The following ZNF438 variants were observed in gnomAD, a reference collection of about 807,000 sequenced individuals.
ZNF438 encodes the protein zinc finger protein 438.
In ZNF438, 25 loss-of-function variants were observed where a neutral mutation model predicts 38.0. That is an observed-to-expected ratio of 0.66 (90% CI 0.48 to 0.92). The LOEUF is 0.92. ZNF438 is among the 40% of genes least tolerant of loss of function. The pLI is 0.00. For missense variants in ZNF438, 1,007 were observed against 999.6 expected (o/e 1.01, Z -0.10); for synonymous variants, 372 against 364.1 (o/e 1.02, Z -0.25).
At chr10:30,874,804 A>G (rs1240322032) in intron 4 of ZNF438, among the ~76,000 whole-genome samples, 1 of 150,678 alleles carries the variant, frequency 6.6e-6, no homozygotes, top group African/African-American at 2.4e-5. Flanking sequence ...ATCTTTATAA[A>G]TTAAATATTC....
exon 4 of ZNF438, chr10:30,877,042 T>C (rs368992733): frequency 1.1e-5 from 17 of 1,603,494 alleles, no homozygotes; most frequent in Non-Finnish European, 1.4e-5. Flanking sequence ...CATTATGATG[T>C]ACTGGACTTG....
chr10:30,904,177 C>T (rs1448275908), intron 3 of ZNF438, among the ~76,000 whole-genome samples: 1 of 152,132 alleles, frequency 6.6e-6, no homozygotes, highest in Non-Finnish European at 1.5e-5. Flanking sequence ...TATGTGACTG[C>T]CTTGGTAAGA....
chr10:30,964,643 A>T (rs917406611), intron 1 of ZNF438, among the ~76,000 whole-genome samples: 12 of 152,228 alleles, frequency 7.9e-5, no homozygotes, highest in Admixed American at 2.0e-4. Flanking sequence ...AACTAAATGA[A>T]ATCTTTTTTT....
intron 1 of ZNF438, among the ~76,000 whole-genome samples, chr10:31,018,386 A>G (rs1160313010): frequency 6.6e-6 from 1 of 152,188 alleles, no homozygotes. Context: ...ATCAACTCAT[A>G]TTAACAGTCT....
intron 3 of ZNF438, among the ~76,000 whole-genome samples, chr10:30,888,362 A>ACACACACACACACACACACACAC (rs1564574714): frequency 0.01 from 378 of 36,522 alleles, 3 homozygotes; most frequent in African/African-American, 0.026. Flanking sequence ...CACACACACA[A>ACACACACACACACACACACACAC]ACACACACAT....
At chr10:30,855,233 G>A (rs961024359) in intron 4 of ZNF438, among the ~76,000 whole-genome samples, 2 of 152,292 alleles carry the variant, frequency 1.3e-5, no homozygotes, top group African/African-American at 4.8e-5. Context: ...TCCTGGCTGC[G>A]AGAGCACCGA....
intron 2 of ZNF438, among the ~76,000 whole-genome samples, chr10:30,922,572 G>A (rs1167622920): frequency 2.0e-5 from 3 of 152,176 alleles, no homozygotes; most frequent in East Asian, 3.8e-4. Flanking sequence ...GGTGGCTCAC[G>A]CCTGTAATCC....
chr10:30,858,573 G>C (rs1176058525), intron 4 of ZNF438, among the ~76,000 whole-genome samples: 1 of 152,208 alleles, frequency 6.6e-6, no homozygotes, highest in Non-Finnish European at 1.5e-5. Context: ...CCGGCAATAG[G>C]CACAAGTGTT....
intron 3 of ZNF438, among the ~76,000 whole-genome samples, chr10:30,884,852 T>C (rs1183084432): frequency 6.6e-6 from 1 of 152,230 alleles, no homozygotes; most frequent in African/African-American, 2.4e-5. Context: ...TTTGTCTTTG[T>C]TATGCTGCTT....
At chr10:31,010,645 G>A (rs1288329524) in intron 1 of ZNF438, among the ~76,000 whole-genome samples, 3 of 152,052 alleles carry the variant, frequency 2.0e-5, no homozygotes, top group African/African-American at 4.8e-5. Context: ...CTAACACTTT[G>A]GGAGACTGAG....
At chr10:30,897,380 T>A (rs2041476669) in intron 3 of ZNF438, among the ~76,000 whole-genome samples, 1 of 152,238 alleles carries the variant, frequency 6.6e-6, no homozygotes, top group Admixed American at 6.5e-5. Flanking sequence ...GGTGAGTTTA[T>A]TAGAAAGGCA....
In ZNF438 at chr10:30,901,658, G is replaced by A. The variant is rs149427339; in HGVS notation, c.-32+7275C>T. ...GTCTCGTCGCTTGGCAATAGGCGATGGTCTCACCGCTCGGCGATAGTCTCA... is the reference window on the plus strand; with the variant it reads ...GTCTCGTCGCTTGGCAATAGGCGATAGTCTCACCGCTCGGCGATAGTCTCA... On this transcript the variant is annotated intron_variant, in intron 3 of 5. Transcript: ENST00000413025. Among the ~76,000 whole-genome samples the A allele has an allele frequency of 5.7e-3, 859 of 151,968 alleles. 3 individuals are homozygous for A. The highest frequency in any genetic ancestry group is 9.5e-3 in the Non-Finnish European group (643 of 67,994).
At chr10:30,852,849 C>A (rs1476309467) in intron 4 of ZNF438, among the ~76,000 whole-genome samples, 1 of 152,140 alleles carries the variant, frequency 6.6e-6, no homozygotes, top group Non-Finnish European at 1.5e-5. Flanking sequence ...AGTGGTAAAT[C>A]ACTTGACAAT....
intron 1 of ZNF438, among the ~76,000 whole-genome samples, chr10:31,011,202 G>A (rs2055667493): frequency 6.6e-6 from 1 of 152,184 alleles, no homozygotes; most frequent in African/African-American, 2.4e-5. Flanking sequence ...ATGAGCTGCT[G>A]CAAAAGAGCA....
At chr10:30,981,471 T>TA (rs1490697547) in intron 1 of ZNF438, among the ~76,000 whole-genome samples, 5 of 152,162 alleles carry the variant, frequency 3.3e-5, no homozygotes, top group Non-Finnish European at 5.9e-5. Context: ...ATCTCAGAAT[T>TA]AGACTGGAGA....
intron 1 of ZNF438, among the ~76,000 whole-genome samples, chr10:30,956,640 T>C (rs1429392567): frequency 1.3e-5 from 2 of 152,178 alleles, no homozygotes; most frequent in Non-Finnish European, 2.9e-5. Flanking sequence ...ATTCCACATA[T>C]AAATGAGATG....
At chr10:30,969,291 G>A (rs2050486240) in intron 1 of ZNF438, among the ~76,000 whole-genome samples, 1 of 152,096 alleles carries the variant, frequency 6.6e-6, no homozygotes, top group South Asian at 2.1e-4. Flanking sequence ...CCCCTCCAAA[G>A]CACACATAGT....
chr10:31,001,061 T>C (rs544862408), intron 1 of ZNF438, among the ~76,000 whole-genome samples: 1 of 152,308 alleles, frequency 6.6e-6, no homozygotes, highest in Admixed American at 6.5e-5. Flanking sequence ...TGCTTCTCCA[T>C]TCACTCTACA....
chr10:30,930,668 A>T (rs1325702498), intron 2 of ZNF438, among the ~76,000 whole-genome samples: 1 of 151,692 alleles, frequency 6.6e-6, no homozygotes, highest in Admixed American at 6.6e-5. Context: ...TTAGCCGGCC[A>T]TGGTGGTGAG....
Sources: gnomAD v4.1 joint callset for allele counts (sites outside exome capture counted in the v4.1 genomes callset) on GRCh38, gnomAD v4.1.1 for gene constraint, MANE v1.5 for transcripts, NCBI Gene and HGNC (gene_info 2026-07-23, HGNC 2026-07-21) for gene names.